PTPRM: variants seen among roughly 807,000 people sequenced by gnomAD.
PTPRM encodes the protein protein tyrosine phosphatase receptor type M.
Under a neutral mutation model 186.7 loss-of-function variants are expected in PTPRM, and 47 were observed. The ratio of observed to expected loss-of-function variants is 0.25; its 90% confidence interval spans 0.20 to 0.32. PTPRM has a LOEUF of 0.32. Among genes scored for constraint, PTPRM ranks in the 10% least tolerant of loss-of-function variants. PTPRM has a pLI of 1.00. For synonymous variants in PTPRM, 668 were observed against 674.9 expected (o/e 0.99, Z 0.16); for missense variants, 1,494 against 1,865.0 (o/e 0.80, Z 3.66).
intron 1 of PTPRM, among the ~76,000 whole-genome samples, chr18:7,672,458 A>T (rs1340861970): frequency 6.6e-6 from 1 of 152,204 alleles, no homozygotes; most frequent in Non-Finnish European, 1.5e-5. Flanking sequence ...GGTTTTACTC[A>T]ATTTTTATAC....
chr18:8,217,044 T>G (rs1294778350), intron 14 of PTPRM, among the ~76,000 whole-genome samples: 1 of 152,214 alleles, frequency 6.6e-6, no homozygotes, highest in East Asian at 1.9e-4. Context: ...TCCCTAGAAA[T>G]TTCTATCTCT....
At chr18:8,308,942 G>C (rs909003999) in intron 20 of PTPRM, among the ~76,000 whole-genome samples, 4 of 152,210 alleles carry the variant, frequency 2.6e-5, no homozygotes, top group African/African-American at 7.2e-5. Flanking sequence ...CTACTGGACA[G>C]CGTTGGTATA....
Position 7,955,117 on chromosome 18 carries a change from T to A in PTPRM, c.839-4T>A, listed in dbSNP as rs2053226928. The A allele has an allele frequency of 6.3e-7, 1 of 1,587,992 alleles. No individual in the cohort carries two copies. Among genetic ancestry groups the A allele is most frequent in the African/African-American group, 1.3e-5 (1 of 74,166 alleles). ...GAAAGACAGCTTTCTGGTTTGTCTT[T>A]CAGAACCACCCGTTCCTATTGCCCC... is the stretch of plus-strand genomic sequence containing the variant. On this transcript the variant is annotated splice_polypyrimidine_tract_variant and splice_region_variant and intron_variant, in intron 6 of 32. Coordinates refer to ENST00000580170, the MANE Select transcript of PTPRM (RefSeq NM_001105244.2).
chr18:7,984,596 T>TACACACAC (rs1468373372), intron 7 of PTPRM, among the ~76,000 whole-genome samples: 1 of 118,004 alleles, frequency 8.5e-6, no homozygotes, highest in Non-Finnish European at 1.7e-5. Flanking sequence ...TATATATATA[T>TACACACAC]ATATATACAC....
At chr18:8,386,450 G>A (rs2095774134) in intron 30 of PTPRM, among the ~76,000 whole-genome samples, 1 of 152,216 alleles carries the variant, frequency 6.6e-6, no homozygotes, top group Non-Finnish European at 1.5e-5. Context: ...GACAAGAAGA[G>A]AGTGTCACCC....
At chr18:7,817,262 G>T (rs1568172426) in intron 2 of PTPRM, among the ~76,000 whole-genome samples, 1 of 152,134 alleles carries the variant, frequency 6.6e-6, no homozygotes, top group African/African-American at 2.4e-5. Flanking sequence ...GACATGAGCT[G>T]CTGCCCCCAG....
intron 19 of PTPRM, among the ~76,000 whole-genome samples, chr18:8,275,267 C>T (rs994420851): frequency 5.9e-5 from 9 of 151,566 alleles, no homozygotes; most frequent in Middle Eastern, 3.4e-3. Context: ...AGTGAGACCC[C>T]GTCTCCAAAA....
chr18:8,119,635 G>GATTCTT lies in PTPRM; in HGVS notation c.2167+4808_2167+4809insATTCTT, dbSNP rs1204950693. ...TGAGTATATTAAGGCCCCCTGAGAA[G>GATTCTT]TTCCTAAAGAAAAGAATCCGGAAAA... On this transcript the variant is annotated intron_variant, in intron 13 of 32. Transcript: ENST00000580170. Among the ~76,000 whole-genome samples, 5 of 152,092 alleles carry GATTCTT rather than the reference G, an allele frequency of 3.3e-5. No individual in the cohort carries two copies. The East Asian group carries it at 9.7e-4, about 29-fold the overall frequency.
At chr18:7,583,730 C>A (rs982148787) in intron 1 of PTPRM, among the ~76,000 whole-genome samples, 7 of 152,148 alleles carry the variant, frequency 4.6e-5, no homozygotes, top group African/African-American at 1.7e-4. Context: ...GTTACAAATC[C>A]CGTAGATAGA....
At chr18:7,941,174 C>T (rs1187470824) in intron 5 of PTPRM, among the ~76,000 whole-genome samples, 1 of 152,156 alleles carries the variant, frequency 6.6e-6, no homozygotes, top group South Asian at 2.1e-4. Flanking sequence ...TCTCCAGCTC[C>T]TCCCCTTCTT....
chr18:7,880,345 C>A (rs761122492), intron 2 of PTPRM, among the ~76,000 whole-genome samples: 2 of 152,114 alleles, frequency 1.3e-5, no homozygotes, highest in Non-Finnish European at 2.9e-5. Context: ...AAAATTAATA[C>A]AACTAACAAA....
intron 32 of PTPRM, among the ~76,000 whole-genome samples, chr18:8,400,733 T>C (rs908277038): frequency 2.0e-5 from 3 of 152,176 alleles, no homozygotes; most frequent in African/African-American, 7.2e-5. Context: ...ACCTCCCCTT[T>C]AGTAAGCCAA....
At chr18:8,132,725 G>T (rs907131679) in intron 13 of PTPRM, among the ~76,000 whole-genome samples, 3 of 152,088 alleles carry the variant, frequency 2.0e-5, no homozygotes, top group Non-Finnish European at 4.4e-5. Context: ...TACTCACTTT[G>T]TGTCTCTCTG....
At chr18:7,824,153 T>A in intron 2 of PTPRM, among the ~76,000 whole-genome samples, 1 of 152,204 alleles carries the variant, frequency 6.6e-6, no homozygotes, top group East Asian at 1.9e-4. Flanking sequence ...GTGGTCTCCC[T>A]TTCTAGTACC....
At chr18:7,937,423 C>T (rs2051888055) in intron 5 of PTPRM, among the ~76,000 whole-genome samples, 1 of 152,186 alleles carries the variant, frequency 6.6e-6, no homozygotes, top group East Asian at 1.9e-4. Context: ...GCCCATCCCA[C>T]CACAGCCAGT....
chr18:7,763,571 G>A (rs1000346698), intron 1 of PTPRM, among the ~76,000 whole-genome samples: 11 of 152,242 alleles, frequency 7.2e-5, no homozygotes, highest in Non-Finnish European at 1.3e-4. Context: ...TCATCTGTAC[G>A]AGTTCCCCAT....
chr18:7,624,931 G>A (rs2038024429), intron 1 of PTPRM, among the ~76,000 whole-genome samples: 1 of 152,118 alleles, frequency 6.6e-6, no homozygotes, highest in Admixed American at 6.5e-5. Context: ...TGTGTGTGGC[G>A]AGCCTAATGT....
Position 8,076,531 on chromosome 18 carries a change from A to G in PTPRM, c.1518A>G (p.Pro506=), listed in dbSNP as rs1014150505. 1 of 1,602,542 alleles carries G rather than the reference A, an allele frequency of 6.2e-7. No individual in the cohort carries two copies. Among genetic ancestry groups the G allele is most frequent in the African/African-American group, 1.3e-5 (1 of 74,770 alleles). ...AGATATTTCTTCAGTGGAGAGAACC[A>G]ACTCAAACATATGGTGTAATCACTT... ...EEKIFLQWRE[P]TQTYGVITLY... is the part of the protein sequence containing the mutation. The change falls in exon 9 of 33, where the codon CCA becomes CCG. Residue 506 remains proline (P), a synonymous_variant. Coordinates refer to ENST00000580170, the MANE Select transcript of PTPRM (RefSeq NM_001105244.2).
chr18:7,874,991 G>C (rs1180098018), intron 2 of PTPRM, among the ~76,000 whole-genome samples: 1 of 152,074 alleles, frequency 6.6e-6, no homozygotes, highest in African/African-American at 2.4e-5. Context: ...CCAGGAGTTC[G>C]AGATCAGCCT....
Sources: gnomAD v4.1 joint callset for allele counts (sites outside exome capture counted in the v4.1 genomes callset) on GRCh38, gnomAD v4.1.1 for gene constraint, MANE v1.5 for transcripts, NCBI Gene and HGNC (gene_info 2026-07-23, HGNC 2026-07-21) for gene names.